CHL1: variants seen among roughly 807,000 people sequenced by gnomAD.
The protein encoded by CHL1 is neural cell adhesion molecule L1-like protein.
Under a neutral mutation model 141.9 loss-of-function variants are expected in CHL1, and 96 were observed. That is an observed-to-expected ratio of 0.68 (90% CI 0.57 to 0.80). The LOEUF (loss-of-function observed/expected upper bound fraction) is 0.80, where lower values mean the gene tolerates loss of function less well. CHL1 is among the 30% of genes least tolerant of loss of function. The pLI is 0.00. For synonymous variants in CHL1, 613 were observed against 502.2 expected (o/e 1.22, Z -2.95); for missense variants, 1,820 against 1,457.2 (o/e 1.25, Z -4.05).
At chr3:346,087 G>A (rs1166365769) in intron 9 of CHL1, among the ~76,000 whole-genome samples, 2 of 152,144 alleles carry the variant, frequency 1.3e-5, no homozygotes, top group East Asian at 1.9e-4. Context: ...ACTAGGATTT[G>A]AAATTCAAAA....
rs769269438 is a variant in CHL1, at chr3:328,287, A to G, written c.318A>G (p.Lys106=). The G allele has an allele frequency of 6.2e-7, 1 of 1,612,614 alleles. No homozygotes were observed. The highest frequency in any genetic ancestry group is 1.7e-5 in the Admixed American group (1 of 59,882). The change falls in exon 5 of 28, where the codon AAA becomes AAG. Residue 106 remains lysine (K), a synonymous_variant. Transcript: ENST00000256509. ...GGCACATATCTCACTTTCAAGGGAA[A>G]TACCGCTGCTTTGCTTCAAATAAAC... ...NEGHISHFQG[K]YRCFASNKLG...
At chr3:401,741 A>G (rs1015553310) in intron 27 of CHL1, 43 bp downstream of exon 27, 2 of 1,155,896 alleles carry the variant, frequency 1.7e-6, no homozygotes, top group South Asian at 1.4e-5. Context: ...CATATTCATC[A>G]TGTTGAAAGC....
At chr3:292,126 G>T (rs962384149) in intron 2 of CHL1, among the ~76,000 whole-genome samples, 3 of 152,164 alleles carry the variant, frequency 2.0e-5, no homozygotes, top group Non-Finnish European at 2.9e-5. Flanking sequence ...TCATAAAAGT[G>T]TTCCTCACAA....
chr3:383,063 G>T (rs1056214668), intron 18 of CHL1, among the ~76,000 whole-genome samples: 1 of 152,016 alleles, frequency 6.6e-6, no homozygotes. Flanking sequence ...TCCAAGATGC[G>T]TTTGAAAAAA....
At chr3:355,968 G>T (rs577389764) in intron 11 of CHL1, among the ~76,000 whole-genome samples, 5 of 152,052 alleles carry the variant, frequency 3.3e-5, no homozygotes, top group African/African-American at 9.7e-5. Context: ...ACTGACTCAC[G>T]GGGTTGTTTT....
chr3:337,331 C>T (rs1701962901), intron 5 of CHL1, among the ~76,000 whole-genome samples: 1 of 149,444 alleles, frequency 6.7e-6, no homozygotes, highest in Non-Finnish European at 1.5e-5. Context: ...GCTGGGACCA[C>T]AGGCGCCCGC....
intron 1 of CHL1, among the ~76,000 whole-genome samples, chr3:242,486 C>T (rs1692731767): frequency 6.6e-6 from 1 of 151,318 alleles, no homozygotes; most frequent in East Asian, 1.9e-4. Flanking sequence ...GTCCCAGCTA[C>T]CTGGGAGGCT....
rs561688944 is a variant in CHL1, at chr3:234,370, G to A, written c.-174-10243G>A. ...CAACCAGACTTCATGGGTAGAAAGC[G>A]AGTTTCTGCTGGTGAAAGGGTGAAA... On this transcript the variant is annotated intron_variant, in intron 1 of 27. Transcript: ENST00000256509. Among the ~76,000 whole-genome samples the A allele has an allele frequency of 3.2e-4, 49 of 152,106 alleles. No individual in the cohort carries two copies. In the South Asian group the frequency reaches 9.4e-3, roughly 29 times the overall value.
intron 1 of CHL1, among the ~76,000 whole-genome samples, chr3:240,141 C>T (rs961697136): frequency 6.6e-6 from 1 of 152,166 alleles, no homozygotes. Context: ...AATGGTAGAG[C>T]TACTTTTAGT....
At chr3:198,433 G>C (rs538789550) in intron 1 of CHL1, among the ~76,000 whole-genome samples, 4 of 152,296 alleles carry the variant, frequency 2.6e-5, no homozygotes, top group Admixed American at 6.5e-5. Flanking sequence ...CCCCGGGCTC[G>C]CTCTAGGCGG....
chr3:235,727 G>A (rs58003001), intron 1 of CHL1, among the ~76,000 whole-genome samples: 35,639 of 152,024 alleles, frequency 0.23, 5,055 homozygotes, highest in African/African-American at 0.39. Context: ...AGTCAGAACT[G>A]GGTCCTATTT....
rs746293006 is a variant in CHL1 at position 405,477 on chromosome 3, T to A, written c.3459-18T>A. 2.0e-5 allele frequency: 31 copies of A among 1,520,986 alleles called. No homozygotes were observed. The East Asian group carries it at 6.8e-4, about 33-fold the overall frequency. 94.2% of individuals were successfully genotyped at this position (1,520,986 alleles called of 1,614,324 possible). On this transcript the variant is annotated intron_variant, in intron 27 of 27. Coordinates refer to ENST00000256509, the MANE Select transcript of CHL1 (RefSeq NM_006614.4). ...ATATTAGATTTTGTTGAGCTATTTTTGTTTGTTTGTTTTCTAGTGACAGTG... is the reference window on the plus strand; with the variant it reads ...ATATTAGATTTTGTTGAGCTATTTTAGTTTGTTTGTTTTCTAGTGACAGTG...
chr3:339,242 C>G (rs1471896668), intron 5 of CHL1, among the ~76,000 whole-genome samples: 2 of 152,098 alleles, frequency 1.3e-5, no homozygotes, highest in African/African-American at 4.8e-5. Flanking sequence ...TATTACTATG[C>G]CTTATGTCTA....
At chr3:238,316 A>G (rs1238914206) in intron 1 of CHL1, among the ~76,000 whole-genome samples, 1 of 152,140 alleles carries the variant, frequency 6.6e-6, no homozygotes, top group Non-Finnish European at 1.5e-5. Context: ...CTAAATATTG[A>G]CTAAAAGCTG....
intron 2 of CHL1, among the ~76,000 whole-genome samples, chr3:318,181 A>G (rs922949071): frequency 6.6e-6 from 1 of 151,908 alleles, no homozygotes; most frequent in Non-Finnish European, 1.5e-5. Context: ...TAAGACTGCT[A>G]AAACTGTGAA....
intron 2 of CHL1, among the ~76,000 whole-genome samples, chr3:252,730 G>T (rs1055472709): frequency 6.6e-6 from 1 of 151,968 alleles, no homozygotes; most frequent in Non-Finnish European, 1.5e-5. Flanking sequence ...CTGGTTAAAT[G>T]TCTGATGGTC....
intron 5 of CHL1, among the ~76,000 whole-genome samples, chr3:333,341 A>T (rs1701613702): frequency 6.6e-6 from 1 of 151,928 alleles, no homozygotes; most frequent in Non-Finnish European, 1.5e-5. Context: ...TCTTCTCTTA[A>T]ACTGTAGAGA....
At chr3:356,120 C>T (rs1248896769) in intron 11 of CHL1, among the ~76,000 whole-genome samples, 2 of 152,072 alleles carry the variant, frequency 1.3e-5, no homozygotes, top group African/African-American at 2.4e-5. Context: ...TAACTATCTT[C>T]AGATTTGGGA....
At chr3:210,231 C>A (rs750880130) in intron 1 of CHL1, among the ~76,000 whole-genome samples, 2 of 152,182 alleles carry the variant, frequency 1.3e-5, no homozygotes, top group Non-Finnish European at 1.5e-5. Flanking sequence ...CACATTTTTC[C>A]ACTTACCTAT....
Sources: allele counts gnomAD v4.1 joint callset (sites outside exome capture counted in the v4.1 genomes callset), GRCh38; gene constraint gnomAD v4.1.1; transcripts MANE v1.5; gene names NCBI Gene and HGNC (gene_info 2026-07-23, HGNC 2026-07-21).